Variants in ARMC2 observed in about 807,000 individuals in gnomAD.
ARMC2 encodes the protein armadillo repeat-containing protein 2.
In ARMC2, 67 loss-of-function variants were observed where a neutral mutation model predicts 90.3. That is an observed-to-expected ratio of 0.74 (90% CI 0.61 to 0.91). The LOEUF is 0.91. Among genes scored for constraint, ARMC2 ranks in the 40% least tolerant of loss-of-function variants. ARMC2 has a pLI of 0.00. For missense variants in ARMC2, 920 were observed against 1,030.9 expected, an observed-to-expected ratio of 0.89 and a Z score of 1.47; for synonymous variants, 393 against 393.0, an observed-to-expected ratio of 1.00 and a Z score of 0.00.
chr6:108,937,859 AT>A (rs1776083462), intron 12 of ARMC2, among the ~76,000 whole-genome samples: 1 of 151,722 alleles, frequency 6.6e-6, no homozygotes, highest in Admixed American at 6.6e-5. Context: ...CACCTGGCTA[AT>A]TTTGTTTTTG....
chr6:108,928,041 T>C, intron 10 of ARMC2, 47 bp from the exon 11 acceptor site: 2 of 1,546,928 alleles, frequency 1.3e-6, no homozygotes, highest in Non-Finnish European at 1.7e-6. Context: ...CGTGTGGTTA[T>C]ATTTTTTCAG....
chr6:108,965,274 G>GATTACTATAATCTTTATTCAA, intron 17 of ARMC2, 134 bp downstream of exon 17: 2 of 762,600 alleles, frequency 2.6e-6, no homozygotes, highest in Non-Finnish European at 3.8e-6. Flanking sequence ...GTATGTTAAA[G>GATTACTATAATCTTTATTCAA]ATTACTATAA....
At chr6:108,888,594 T>TA (rs1770620131) in intron 5 of ARMC2, among the ~76,000 whole-genome samples, 1 of 152,244 alleles carries the variant, frequency 6.6e-6, no homozygotes, top group African/African-American at 2.4e-5. Context: ...TTTGAGTACA[T>TA]AAGTCCATCT....
the ARMC2 span, among the ~76,000 whole-genome samples, chr6:109,020,643 G>A: frequency 1.3e-5 from 2 of 152,152 alleles, no homozygotes; most frequent in South Asian, 2.1e-4. Context: ...TTGGAGAGAA[G>A]AAGGTTTTCA....
intron 4 of ARMC2, among the ~76,000 whole-genome samples, chr6:108,875,750 T>C (rs1005920608): frequency 3.3e-5 from 5 of 152,202 alleles, no homozygotes; most frequent in Non-Finnish European, 5.9e-5. Flanking sequence ...CCTAGGACAG[T>C]GTTTGACATG....
the ARMC2 span, among the ~76,000 whole-genome samples, chr6:109,007,923 GTTTAA>G: frequency 6.6e-6 from 1 of 151,536 alleles, no homozygotes; most frequent in East Asian, 1.9e-4. Context: ...TCTTGAAAGT[GTTTAA>G]TTTAAAAGCA....
At chr6:109,052,693 C>T in the ARMC2 span, among the ~76,000 whole-genome samples, 1 of 152,080 alleles carries the variant, frequency 6.6e-6, no homozygotes, top group Non-Finnish European at 1.5e-5. Context: ...GTAGATTATT[C>T]TCTAGTCATT....
intron 17 of ARMC2, among the ~76,000 whole-genome samples, chr6:108,965,425 C>T (rs950149842): frequency 3.5e-5 from 5 of 141,734 alleles, no homozygotes; most frequent in African/African-American, 1.0e-4. Context: ...AAGACCTCAG[C>T]GTAAATGTAC....
chr6:108,912,814 T>C (rs1467515140), intron 10 of ARMC2, among the ~76,000 whole-genome samples: 1 of 152,186 alleles, frequency 6.6e-6, no homozygotes, highest in Non-Finnish European at 1.5e-5. Flanking sequence ...AAAGCAGGCC[T>C]GGAAGAAGGA....
chr6:108,875,341 A>G (rs781627984), intron 4 of ARMC2, among the ~76,000 whole-genome samples: 5 of 151,858 alleles, frequency 3.3e-5, no homozygotes, highest in Non-Finnish European at 7.4e-5. Flanking sequence ...GGCCTCCACA[A>G]TCCACCCCTC....
downstream of ARMC2, among the ~76,000 whole-genome samples, chr6:108,975,681 T>C (rs1269914269): frequency 1.3e-5 from 2 of 152,234 alleles, no homozygotes; most frequent in East Asian, 3.9e-4. Context: ...TTCCTGACTT[T>C]TAATGATTGC....
Position 108,973,588 on chromosome 6 carries a change from A to G in ARMC2, c.*74A>G. ...TTAAGAACTGGTAACAAACGTGAAC[A>G]TTTTTTTCAGCATTAACAAATGTGG... On this transcript the variant is annotated 3_prime_UTR_variant, in exon 18 of 18. Coordinates refer to ENST00000392644, the MANE Select transcript of ARMC2 (RefSeq NM_032131.6). The G allele has an allele frequency of 3.6e-6, 5 of 1,385,286 alleles. No homozygotes were observed. The highest frequency in any genetic ancestry group is 4.8e-6 in the Non-Finnish European group (5 of 1,035,760). 85.8% of individuals were successfully genotyped at this position (1,385,286 alleles called of 1,614,324 possible). A position where few individuals can be genotyped will look rare whatever the true frequency, so the allele number is the denominator to read the frequency against.
At chr6:108,908,088 C>T (rs1772977628) in intron 8 of ARMC2, among the ~76,000 whole-genome samples, 1 of 152,158 alleles carries the variant, frequency 6.6e-6, no homozygotes, top group African/African-American at 2.4e-5. Context: ...TCACTGTGCA[C>T]ATGCATCCCC....
intron 5 of ARMC2, among the ~76,000 whole-genome samples, chr6:108,890,712 C>T (rs1412931971): frequency 6.6e-6 from 1 of 152,196 alleles, no homozygotes; most frequent in Non-Finnish European, 1.5e-5. Flanking sequence ...TCACGTAGAA[C>T]AGCACTTAAT....
the ARMC2 span, among the ~76,000 whole-genome samples, chr6:108,984,676 G>A: frequency 6.6e-6 from 1 of 152,126 alleles, no homozygotes; most frequent in South Asian, 2.1e-4. Flanking sequence ...TGATCCTATT[G>A]TAAATGGAAT....
the ARMC2 span, chr6:109,000,609 CCAA>C: frequency 6.2e-7 from 1 of 1,612,046 alleles, no homozygotes; most frequent in South Asian, 1.1e-5. Context: ...GGGGTCCCCA[CCAA>C]CATGAAGGAA....
chr6:108,945,494 A>G (rs1776740632), intron 12 of ARMC2, among the ~76,000 whole-genome samples: 1 of 152,224 alleles, frequency 6.6e-6, no homozygotes, highest in African/African-American at 2.4e-5. Flanking sequence ...ACGTTTAGAT[A>G]CGGTTAATTT....
chr6:108,952,315 T>C (rs1273279242), intron 12 of ARMC2, among the ~76,000 whole-genome samples: 3 of 152,234 alleles, frequency 2.0e-5, no homozygotes, highest in African/African-American at 7.2e-5. Flanking sequence ...AATTGTGAAA[T>C]ATAGCCTATA....
At chr6:108,970,057 T>C (rs1232875722) in intron 17 of ARMC2, among the ~76,000 whole-genome samples, 3 of 152,084 alleles carry the variant, frequency 2.0e-5, no homozygotes, top group Non-Finnish European at 4.4e-5. Flanking sequence ...AATTGAATCA[T>C]AGATCTAAAT....
Sources: allele counts gnomAD v4.1 joint callset (sites outside exome capture counted in the v4.1 genomes callset), GRCh38; gene constraint gnomAD v4.1.1; transcripts MANE v1.5; gene names NCBI Gene and HGNC (gene_info 2026-07-23, HGNC 2026-07-21).